Variants in ELP4 observed in about 807,000 individuals in gnomAD.
The protein encoded by ELP4 is elongator acetyltransferase complex subunit 4.
Under a neutral mutation model 48.9 loss-of-function variants are expected in ELP4, and 51 were observed. The ratio of observed to expected loss-of-function variants is 1.04; its 90% CI spans 0.83 to 1.32. ELP4 has a LOEUF of 1.32. Among genes scored for constraint, ELP4 ranks in the 40% most tolerant of loss-of-function variants. ELP4 has a pLI of 0.00. For missense variants in ELP4, 519 were observed against 514.6 expected (o/e 1.01, Z -0.08); for synonymous variants, 210 against 189.2 (o/e 1.11, Z -0.90).
chr11:31,603,570 G>A (rs1957818660), intron 4 of ELP4, among the ~76,000 whole-genome samples, 198 bp from the exon 5 acceptor site: 1 of 151,740 alleles, frequency 6.6e-6, no homozygotes, highest in Non-Finnish European at 1.5e-5. Context: ...AGATAAAAAG[G>A]TTGATTTGTA....
At chr11:31,652,587 C>A (rs1001424392) in intron 9 of ELP4, 1 of 151,578 alleles carries the variant, frequency 6.6e-6, no homozygotes, top group Non-Finnish European at 1.5e-5. Flanking sequence ...AATAAATGTT[C>A]TTTTTAAATG....
At chr11:31,604,847 G>A (rs557014950) in intron 5 of ELP4, among the ~76,000 whole-genome samples, 93 of 151,982 alleles carry the variant, frequency 6.1e-4, no homozygotes, top group African/African-American at 2.0e-3. Flanking sequence ...CAAAAGCGGT[G>A]CTTTGATGTT....
chr11:31,780,877 G>T (rs1430643267), intron 9 of ELP4: 2 of 152,202 alleles, frequency 1.3e-5, no homozygotes, highest in African/African-American at 4.8e-5. Flanking sequence ...TAATCGTAAA[G>T]ATATATTGGT....
chr11:31,572,179 G>A (rs1957202710), intron 3 of ELP4, among the ~76,000 whole-genome samples: 1 of 152,154 alleles, frequency 6.6e-6, no homozygotes, highest in Non-Finnish European at 1.5e-5. Flanking sequence ...AGATCTTCTG[G>A]ATAACTTGCT....
chr11:31,584,609 A>G (rs1012255784), intron 3 of ELP4, among the ~76,000 whole-genome samples: 1 of 151,750 alleles, frequency 6.6e-6, no homozygotes, highest in East Asian at 1.9e-4. Flanking sequence ...GGTCACTGCA[A>G]CCTCCACCCC....
At chr11:31,523,616 A>C (rs1373602991) in intron 2 of ELP4, among the ~76,000 whole-genome samples, 1 of 152,168 alleles carries the variant, frequency 6.6e-6, no homozygotes, top group Admixed American at 6.5e-5. Context: ...CAAAATAAAT[A>C]CATGTGAACA....
At chr11:31,542,508 A>G (rs1471711875) in intron 3 of ELP4, among the ~76,000 whole-genome samples, 1 of 152,218 alleles carries the variant, frequency 6.6e-6, no homozygotes, top group Non-Finnish European at 1.5e-5. Flanking sequence ...CTGCTCCCAC[A>G]TGCCAGAGTG....
intron 9 of ELP4, among the ~76,000 whole-genome samples, chr11:31,736,441 A>G (rs1195739624): frequency 6.6e-6 from 1 of 152,200 alleles, no homozygotes; most frequent in East Asian, 1.9e-4. Flanking sequence ...CTAAAACACC[A>G]AAAGCAATGG....
intron 3 of ELP4, among the ~76,000 whole-genome samples, chr11:31,571,979 T>C (rs1208162026): frequency 6.6e-6 from 1 of 152,200 alleles, no homozygotes; most frequent in East Asian, 1.9e-4. Flanking sequence ...AAGTGAGTAT[T>C]GGCTTCAACT....
chr11:31,688,952 C>T (rs557578768), intron 9 of ELP4, among the ~76,000 whole-genome samples: 1 of 152,230 alleles, frequency 6.6e-6, no homozygotes, highest in East Asian at 1.9e-4. Context: ...TATTTGGTTT[C>T]TCTAATTTAT....
chr11:31,660,163 C>T (rs1048774637), intron 9 of ELP4, among the ~76,000 whole-genome samples: 1 of 151,982 alleles, frequency 6.6e-6, no homozygotes, highest in Admixed American at 6.6e-5. Flanking sequence ...ATTTAAAAGG[C>T]ATTATTATAG....
At chr11:31,515,209 T>C (rs1956089800) in intron 1 of ELP4, among the ~76,000 whole-genome samples, 1 of 152,174 alleles carries the variant, frequency 6.6e-6, no homozygotes, top group African/African-American at 2.4e-5. Context: ...CCAATCTAAA[T>C]GTGAATCTAG....
chr11:31,670,392 G>T (rs1337607658), intron 9 of ELP4, among the ~76,000 whole-genome samples: 1 of 152,126 alleles, frequency 6.6e-6, no homozygotes, highest in Non-Finnish European at 1.5e-5. Flanking sequence ...TCACTTGACT[G>T]AAACATGATT....
intron 1 of ELP4, chr11:31,510,430 T>C (rs1233322977): frequency 2.4e-6 from 1 of 410,952 alleles, no homozygotes; most frequent in Non-Finnish European, 4.3e-6. Flanking sequence ...CAGACTTCAT[T>C]AGAAGATGCT....
chr11:31,589,001 T>C (rs977518643), intron 3 of ELP4, among the ~76,000 whole-genome samples: 2 of 151,822 alleles, frequency 1.3e-5, no homozygotes, highest in Non-Finnish European at 2.9e-5. Flanking sequence ...TAATAATAAT[T>C]AAAAAACAAA....
At chr11:31,661,045 C>T (rs1032177263) in intron 9 of ELP4, among the ~76,000 whole-genome samples, 11 of 151,802 alleles carry the variant, frequency 7.2e-5, no homozygotes, top group African/African-American at 1.2e-4. Flanking sequence ...TTTTTAATCT[C>T]GAAGAAATTT....
intron 5 of ELP4, among the ~76,000 whole-genome samples, chr11:31,625,545 C>T (rs1944725209): frequency 6.6e-6 from 1 of 151,500 alleles, no homozygotes; most frequent in African/African-American, 2.4e-5. Flanking sequence ...TGAAATAAGC[C>T]CAACACAGAA....
chr11:31,645,349 T>A (rs1945178775), intron 7 of ELP4, among the ~76,000 whole-genome samples: 1 of 151,786 alleles, frequency 6.6e-6, no homozygotes. Context: ...ATAAAGTTGA[T>A]AAACATTATA....
chr11:31,741,119 C>T (rs887986157), intron 9 of ELP4, among the ~76,000 whole-genome samples: 4 of 152,100 alleles, frequency 2.6e-5, no homozygotes, highest in East Asian at 1.9e-4. Context: ...GAGGGTCCTA[C>T]GCCCATGGAG....
Sources: allele counts gnomAD v4.1 joint callset (sites outside exome capture counted in the v4.1 genomes callset), GRCh38; gene constraint gnomAD v4.1.1; transcripts MANE v1.5; gene names NCBI Gene and HGNC (gene_info 2026-07-23, HGNC 2026-07-21).